The following NLRP14 variants were observed in gnomAD, a reference collection of about 807,000 sequenced individuals.
The protein encoded by NLRP14 is NACHT, LRR and PYD domains-containing protein 14.
Under a neutral mutation model 94.7 loss-of-function variants are expected in NLRP14, and 105 were observed. That is an observed-to-expected ratio of 1.11 (90% CI 0.95 to 1.30). The LOEUF is 1.30. Ranked by LOEUF, NLRP14 falls within the 50% of genes most tolerant of loss-of-function variation. The pLI is 0.00. For synonymous variants in NLRP14, 508 were observed against 459.9 expected, an observed-to-expected ratio of 1.10 and a Z score of -1.34; for missense variants, 1,362 against 1,254.1, an observed-to-expected ratio of 1.09 and a Z score of -1.30.
At chr11:7,041,818 G>C (rs1450746538) in intron 3 of NLRP14, among the ~76,000 whole-genome samples, 1 of 152,144 alleles carries the variant, frequency 6.6e-6, no homozygotes. Context: ...ATCTAAAGGA[G>C]GGATCAGACT....
At chr11:7,070,149 T>C in intron 10 of NLRP14, 137 bp from the exon 11 acceptor site, 1 of 675,548 alleles carries the variant, frequency 1.5e-6, no homozygotes, top group Non-Finnish European at 2.7e-6. Context: ...GTACTTATAG[T>C]CCTTGAATTT....
chr11:7,030,538 G>C (rs1241873045), intron 1 of NLRP14, among the ~76,000 whole-genome samples: 1 of 150,310 alleles, frequency 6.7e-6, no homozygotes. Context: ...CCCCAGCGCT[G>C]TATTCCTTGC....
chr11:7,020,532 C>T lies in NLRP14; in HGVS notation c.-260C>T, dbSNP rs12418753. On this transcript the variant is annotated 5_prime_UTR_variant, in exon 1 of 12. Coordinates refer to ENST00000299481, the MANE Select transcript of NLRP14 (RefSeq NM_176822.4). ...CTCGGGGGATAAGGCGAGGACGCAC[C>T]AGCATTAATGGAATAGGAGAACTCC... is the stretch of plus-strand genomic sequence containing the variant. 0.03 allele frequency: 4,641 copies of T among 152,446 alleles called. 128 individuals carry two copies. Among genetic ancestry groups the T allele is most frequent in the East Asian group, 0.11 (553 of 5,162 alleles). 9.4% of individuals were successfully genotyped at this position (152,446 alleles called of 1,614,324 possible).
chr11:7,052,292 T>C (rs574501219), intron 6 of NLRP14, among the ~76,000 whole-genome samples: 2 of 152,250 alleles, frequency 1.3e-5, no homozygotes, highest in South Asian at 4.1e-4. Flanking sequence ...TATATCTTCA[T>C]AGACTTTGAA....
At chr11:7,030,927 A>G (rs373807342) in intron 1 of NLRP14, among the ~76,000 whole-genome samples, 38 of 152,334 alleles carry the variant, frequency 2.5e-4, no homozygotes, top group African/African-American at 8.9e-4. Context: ...CTTCTGCGGT[A>G]AATGAGTGGA....
At chr11:7,045,491 C>T (rs1174826193) in intron 4 of NLRP14, among the ~76,000 whole-genome samples, 4 of 152,086 alleles carry the variant, frequency 2.6e-5, no homozygotes, top group Non-Finnish European at 1.5e-5. Flanking sequence ...TATAATATAA[C>T]TACATTGTAA....
At chr11:7,042,325 A>C in intron 3 of NLRP14, 63 bp from the exon 4 acceptor site, 1 of 1,349,246 alleles carries the variant, frequency 7.4e-7, no homozygotes, top group Non-Finnish European at 1.1e-6. Context: ...ATTACATTTC[A>C]TAGAATTTGT....
At chr11:7,021,171 C>G (rs1851925674) in intron 1 of NLRP14, among the ~76,000 whole-genome samples, 1 of 152,166 alleles carries the variant, frequency 6.6e-6, no homozygotes, top group African/African-American at 2.4e-5. Flanking sequence ...GAGATCTTGG[C>G]TGGATTACCT....
rs1385066206 is a variant in NLRP14 at position 7,043,768 on chromosome 11, A to G, written c.1742A>G (p.Glu581Gly). The G allele has an allele frequency of 6.2e-7, 1 of 1,614,140 alleles. No homozygotes were observed. The highest frequency in any genetic ancestry group is 8.5e-7 in the Non-Finnish European group (1 of 1,180,012). ...TCTCCATCACAGCTGGGATTTCTGG[A>G]GTTGTTTCACTGTCTGTATGAGACT... ...DYSPSQLGFL[E>G]LFHCLYETQD... The change falls in exon 4 of 12, where the codon GAG becomes GGG. Residue 581 changes from glutamate (E) to glycine (G), a missense_variant. Transcript: ENST00000299481.
chr11:7,089,193 G>A, the NLRP14 span: 1 of 1,613,894 alleles, frequency 6.2e-7, no homozygotes, highest in Non-Finnish European at 8.5e-7. Flanking sequence ...GAAAGCCCTC[G>A]AAGCCGAGTT....
chr11:7,072,534 C>T (rs1321955002), downstream of NLRP14, among the ~76,000 whole-genome samples: 1 of 152,224 alleles, frequency 6.6e-6, no homozygotes, highest in Middle Eastern at 3.2e-3. Context: ...TATACATTGA[C>T]TCATCTTCCA....
chr11:7,089,282 C>T, the NLRP14 span: 3 of 1,608,690 alleles, frequency 1.9e-6, no homozygotes, highest in East Asian at 2.2e-5. Context: ...TCGCGTTCGT[C>T]ACCTTTGAAA....
rs113698524 is a variant in NLRP14, at chr11:7,038,849, G to C, written c.263G>C (p.Cys88Ser). ...IFGKMNLKDLCERAKEEINWS... is the reference protein window; with the variant it reads ...IFGKMNLKDLSERAKEEINWS... ...GGCAAGATGAACCTGAAGGATCTGT[G>C]TGAGAGAGCGAAAGAAGAGATCAAC... Residue 88 changes from cysteine to serine, a missense_variant, in exon 2 of 12, where the codon TGT becomes TCT. Transcript: ENST00000299481. The C allele has an allele frequency of 2.0e-5, 33 of 1,613,672 alleles. No individual in the cohort carries two copies. The African/African-American group carries it at 2.8e-4, about 14-fold the overall frequency.
chr11:7,059,595 G>C (rs188584358), intron 8 of NLRP14, among the ~76,000 whole-genome samples: 1 of 151,936 alleles, frequency 6.6e-6, no homozygotes, highest in Non-Finnish European at 1.5e-5. Flanking sequence ...TACTCCATCT[G>C]CCTGTTCTTC....
chr11:7,082,804 A>G, the NLRP14 span, among the ~76,000 whole-genome samples: 1 of 152,176 alleles, frequency 6.6e-6, no homozygotes, highest in Non-Finnish European at 1.5e-5. Context: ...TACCATTCAC[A>G]TAGGGAGCGT....
chr11:7,062,745 A>G (rs1368899885), intron 10 of NLRP14, among the ~76,000 whole-genome samples: 1 of 152,054 alleles, frequency 6.6e-6, no homozygotes, highest in Non-Finnish European at 1.5e-5. Flanking sequence ...TTAGTACGCA[A>G]ATGGTACCTG....
chr11:7,059,645 A>T (rs989880241), intron 8 of NLRP14, among the ~76,000 whole-genome samples: 1 of 151,984 alleles, frequency 6.6e-6, no homozygotes, highest in Non-Finnish European at 1.5e-5. Flanking sequence ...TACTATGTAT[A>T]TGTGTAATGT....
At chr11:7,033,923 A>G (rs563828953) in intron 1 of NLRP14, among the ~76,000 whole-genome samples, 1 of 152,330 alleles carries the variant, frequency 6.6e-6, no homozygotes, top group South Asian at 2.1e-4. Flanking sequence ...GCAACATGCC[A>G]TTCACAGTAT....
At chr11:7,040,459 T>G (rs1224616023) in intron 3 of NLRP14, among the ~76,000 whole-genome samples, 1 of 152,188 alleles carries the variant, frequency 6.6e-6, no homozygotes, top group Non-Finnish European at 1.5e-5. Context: ...TGAATCATCC[T>G]GAAATCATCT....
Sources: gnomAD v4.1 joint callset for allele counts (sites outside exome capture counted in the v4.1 genomes callset) on GRCh38, gnomAD v4.1.1 for gene constraint, MANE v1.5 for transcripts, NCBI Gene and HGNC (gene_info 2026-07-23, HGNC 2026-07-21) for gene names.